CA4: variants seen among roughly 807,000 people sequenced by gnomAD.
CA4 encodes the protein carbonic anhydrase 4.
A neutral mutation model predicts 34.5 loss-of-function variants in CA4; 24 were observed. That is an observed-to-expected ratio of 0.70 (90% confidence interval 0.50 to 0.98). The LOEUF is 0.98. Ranked by LOEUF, CA4 falls within the 50% of genes least tolerant of loss-of-function variation. CA4 has a pLI of 0.00. For missense variants in CA4, 394 were observed against 396.7 expected, an observed-to-expected ratio of 0.99 and a Z score of 0.06; for synonymous variants, 178 against 170.6, an observed-to-expected ratio of 1.04 and a Z score of -0.34.
intron 7 of CA4, 160 bp from the exon 8 acceptor site, chr17:60,159,070 C>T (rs1360516005): frequency 1.4e-6 from 1 of 699,732 alleles, no homozygotes; most frequent in Admixed American, 2.2e-5. Flanking sequence ...TTTACATCCC[C>T]TATTCTTATC....
At position 60,157,516 on chromosome 17, in the gene CA4, G is replaced by C; in HGVS notation, c.358G>C (p.Asp120His). 6.2e-7 allele frequency: 1 copy of C among 1,614,188 alleles called. No individual in the cohort carries two copies. Among genetic ancestry groups the C allele is most frequent in the Non-Finnish European group, 8.5e-7 (1 of 1,180,030 alleles). ...QAKQLHLHWS[D>H]LPYKGSEHSL... ...CAAACAGTTGCACCTGCACTGGTCC[G>C]ACTTGCCATATAAGGGCTCGGAGCA... The change falls in exon 4 of 8, where the codon GAC becomes CAC. Residue 120 changes from aspartate to histidine, a missense_variant. Physicochemically the swap from Asp to His is moderately conservative, Grantham distance 81. Coordinates refer to ENST00000300900, the MANE Select transcript of CA4 (RefSeq NM_000717.5).
chr17:60,159,247 GAAGCTGTACTACGAC>G lies in CA4; in HGVS notation c.766_780del (p.Leu256_Lys260del). 1 of 1,604,922 alleles carries G rather than the reference GAAGCTGTACTACGAC, an allele frequency of 6.2e-7. No individual in the cohort carries two copies. Among genetic ancestry groups the G allele is most frequent in the East Asian group, 2.3e-5 (1 of 44,336 alleles). ...TTCCGCAGATCCTGGCATTCTCTCA[GAAGCTGTACTACGAC>G]AAGGAACAGACAGTGAGCATGAAGG... On this transcript the variant is annotated inframe_deletion, in exon 8 of 8. Coordinates refer to ENST00000300900, the MANE Select transcript of CA4 (RefSeq NM_000717.5).
intron 5 of CA4, among the ~76,000 whole-genome samples, chr17:60,170,323 G>T (rs1387496675): frequency 1.3e-5 from 2 of 152,226 alleles, no homozygotes; most frequent in Non-Finnish European, 2.9e-5. Context: ...GATTCTCATG[G>T]CTGCTGTGGC....
Position 60,159,505 on chromosome 17 carries a change from G to A in CA4, c.*81G>A. On this transcript the variant is annotated 3_prime_UTR_variant, in exon 8 of 8. Coordinates refer to ENST00000300900, the MANE Select transcript of CA4 (RefSeq NM_000717.5). ...TCCGGTCCTTAGCCTTCCCAGGTGGGACTTTAGGCATGATTAAAATATGGA... is the reference window on the plus strand; with the variant it reads ...TCCGGTCCTTAGCCTTCCCAGGTGGAACTTTAGGCATGATTAAAATATGGA... 6.9e-7 allele frequency: 1 copy of A among 1,453,660 alleles called. No individual in the cohort carries two copies. The highest frequency in any genetic ancestry group is 9.5e-7 in the Non-Finnish European group (1 of 1,056,264). 90.0% of individuals were successfully genotyped at this position (1,453,660 alleles called of 1,614,324 possible).
chr17:60,166,910 T>C (rs2083861318), intron 5 of CA4, among the ~76,000 whole-genome samples: 1 of 152,000 alleles, frequency 6.6e-6, no homozygotes, highest in African/African-American at 2.4e-5. Flanking sequence ...TGAACTGAGA[T>C]GGTGCCAACG....
rs370317004 is a variant in CA4 at position 60,155,279 on chromosome 17, G to A, written c.59-35G>A. On this transcript the variant is annotated intron_variant, in intron 1 of 7. Transcript: ENST00000300900. ...TGTGTGTGTGAGCAACAAGACACAC[G>A]CACGCACACTTCACACCCTTCCTCT... The A allele has an allele frequency of 2.5e-4, 394 of 1,595,842 alleles. 3 individuals are homozygous for A. In the South Asian group the frequency reaches 3.3e-3, roughly 13 times the overall value.
At chr17:60,155,389 G>T (rs375687476) in intron 2 of CA4, 22 bp downstream of exon 2, 18 of 1,593,712 alleles carry the variant, frequency 1.1e-5, no homozygotes, top group Non-Finnish European at 1.5e-5. Context: ...CAGTCCAGGG[G>T]ACTGCTCTTT....
At chr17:60,156,752 C>T in intron 3 of CA4, 37 bp downstream of exon 3, 4 of 1,596,308 alleles carry the variant, frequency 2.5e-6, no homozygotes, top group Non-Finnish European at 3.4e-6. Context: ...GCCTGGGCAC[C>T]CGAGTTCCCC....
chr17:60,173,343 C>CT (rs1275675553), downstream of CA4, among the ~76,000 whole-genome samples: 1 of 152,216 alleles, frequency 6.6e-6, no homozygotes, highest in Non-Finnish European at 1.5e-5. Flanking sequence ...TACTATGTTC[C>CT]TCATGCACCT....
intron 5 of CA4, 31 bp downstream of exon 5, chr17:60,157,819 AC>A (rs1481269374): frequency 1.9e-6 from 3 of 1,554,064 alleles, no homozygotes; most frequent in Non-Finnish European, 2.7e-6. Flanking sequence ...TTCCCGGGGA[AC>A]CCGGGGCTGA....
chr17:60,173,357 A>G (rs556649232), downstream of CA4, among the ~76,000 whole-genome samples: 2 of 152,182 alleles, frequency 1.3e-5, no homozygotes, highest in Admixed American at 6.5e-5. Context: ...TGCACCTTCC[A>G]CTCAGCACAA....
At chr17:60,155,141 T>C (rs2083655067) in intron 1 of CA4, among the ~76,000 whole-genome samples, 173 bp from the exon 2 acceptor site, 1 of 152,158 alleles carries the variant, frequency 6.6e-6, no homozygotes, top group African/African-American at 2.4e-5. Context: ...CAGCCCCTGC[T>C]TGGTTTTCAA....
intron 4 of CA4, 35 bp downstream of exon 4, chr17:60,157,607 G>A (rs2083712582): frequency 6.2e-7 from 1 of 1,614,194 alleles, no homozygotes; most frequent in Admixed American, 1.7e-5. Flanking sequence ...CCTTGTCTGG[G>A]CTCTGGGCGC....
downstream of CA4, among the ~76,000 whole-genome samples, chr17:60,161,943 C>G (rs1219352013): frequency 6.6e-6 from 1 of 152,150 alleles, no homozygotes; most frequent in Non-Finnish European, 1.5e-5. Flanking sequence ...ATCCCCACCC[C>G]CATCCCTGCC....
rs80166077 is a variant in CA4 at position 60,152,348 on chromosome 17, C to T, written c.58+2256C>T. 9.0e-3 allele frequency among the ~76,000 whole-genome samples: 1,365 copies of T among 152,286 alleles called. 24 individuals are homozygous for T. Among genetic ancestry groups the T allele is most frequent in the African/African-American group, 0.031 (1,279 of 41,552 alleles). On this transcript the variant is annotated intron_variant, in intron 1 of 7. Transcript: ENST00000300900. ...CTCATCCACCGACATGGACCTGACC[C>T]CTGGCCTTGACCTCACCACCATTAT...
intron 2 of CA4, among the ~76,000 whole-genome samples, chr17:60,155,600 ACACACACAAG>A (rs2145265723): frequency 6.6e-6 from 1 of 151,232 alleles, no homozygotes; most frequent in East Asian, 1.9e-4. Context: ...CACACACAAC[ACACACACAAG>A]CACACACTCA....
chr17:60,163,774 C>T (rs573830710), downstream of CA4, among the ~76,000 whole-genome samples: 2 of 152,198 alleles, frequency 1.3e-5, no homozygotes, highest in South Asian at 2.1e-4. Flanking sequence ...AAGAGGGCAG[C>T]GGAGCAGGAC....
downstream of CA4, among the ~76,000 whole-genome samples, chr17:60,162,585 A>C (rs2083805061): frequency 6.6e-6 from 1 of 150,908 alleles, no homozygotes; most frequent in Admixed American, 6.6e-5. Flanking sequence ...ACACACACAC[A>C]CACCAGCCTT....
chr17:60,158,512 C>G, intron 7 of CA4, 66 bp downstream of exon 7: 1 of 1,522,192 alleles, frequency 6.6e-7, no homozygotes, highest in Non-Finnish European at 9.0e-7. Flanking sequence ...ATCCCTCTGT[C>G]TGCCCTCAGA....
Sources: gnomAD v4.1 joint callset for allele counts (sites outside exome capture counted in the v4.1 genomes callset) on GRCh38, gnomAD v4.1.1 for gene constraint, MANE v1.5 for transcripts, NCBI Gene and HGNC (gene_info 2026-07-23, HGNC 2026-07-21) for gene names.